Variants in ASAP1 observed in about 807,000 individuals in gnomAD.
ASAP1 encodes ArfGAP with SH3 domain, ankyrin repeat and PH domain 1.
ASAP1 carries 43 observed loss-of-function variants against 145.2 expected under a neutral mutation model. The ratio of observed to expected loss-of-function variants is 0.30; its 90% CI spans 0.23 to 0.38. The LOEUF is 0.38. Among genes scored for constraint, ASAP1 ranks in the 10% least tolerant of loss-of-function variants. The pLI is 1.00. For synonymous variants in ASAP1, 546 were observed against 515.5 expected (o/e 1.06, Z -0.80); for missense variants, 1,018 against 1,355.3 (o/e 0.75, Z 3.91).
intron 5 of ASAP1, among the ~76,000 whole-genome samples, chr8:130,200,676 A>G (rs1264251777): frequency 1.3e-5 from 2 of 152,182 alleles, no homozygotes; most frequent in African/African-American, 4.8e-5. Flanking sequence ...ATTACTGTTG[A>G]TTTTTATTTT....
At chr8:130,389,655 A>G (rs1186683629) in intron 2 of ASAP1, among the ~76,000 whole-genome samples, 1 of 151,760 alleles carries the variant, frequency 6.6e-6, no homozygotes, top group Admixed American at 6.6e-5. Context: ...AGCTGGAACA[A>G]CTCTACTCTC....
At chr8:130,334,256 T>TAAC (rs1824892539) in intron 3 of ASAP1, among the ~76,000 whole-genome samples, 1 of 152,114 alleles carries the variant, frequency 6.6e-6, no homozygotes, top group African/African-American at 2.4e-5. Flanking sequence ...GATTTTCAGG[T>TAAC]AACAACAACA....
At chr8:130,061,169 A>C (rs183537140) in intron 27 of ASAP1, 100 bp from the exon 28 acceptor site, 16 of 1,405,130 alleles carry the variant, frequency 1.1e-5, no homozygotes, top group Non-Finnish European at 1.5e-5. Context: ...GAACTGACCT[A>C]TAGTGAGCAC....
intron 27 of ASAP1, 85 bp downstream of exon 27, chr8:130,076,263 G>T: frequency 2.1e-6 from 2 of 939,992 alleles, no homozygotes; most frequent in South Asian, 1.6e-5. Flanking sequence ...ATGGATCAAT[G>T]AACAAGGGAG....
chr8:130,426,368 T>C (rs1374683663), intron 1 of ASAP1, among the ~76,000 whole-genome samples: 1 of 151,462 alleles, frequency 6.6e-6, no homozygotes, highest in African/African-American at 2.4e-5. Context: ...CAGTCTCAAG[T>C]AGTTCTTTAT....
intron 3 of ASAP1, among the ~76,000 whole-genome samples, chr8:130,305,445 C>G (rs189543563): frequency 1.3e-5 from 2 of 152,164 alleles, no homozygotes; most frequent in Non-Finnish European, 2.9e-5. Context: ...CTCACCACAA[C>G]CTCCGCCTCC....
chr8:130,261,124 GA>G (rs1468322577), intron 3 of ASAP1, among the ~76,000 whole-genome samples: 2 of 152,106 alleles, frequency 1.3e-5, no homozygotes, highest in Non-Finnish European at 2.9e-5. Context: ...GATGATTAAG[GA>G]ATCTGCTGGC....
intron 4 of ASAP1, among the ~76,000 whole-genome samples, chr8:130,225,525 C>CT (rs1404493327): frequency 1.3e-5 from 2 of 152,010 alleles, no homozygotes; most frequent in African/African-American, 4.8e-5. Flanking sequence ...GGAGTTCTAA[C>CT]TTTTTTTTCT....
chr8:130,375,857 C>A (rs1449359416), intron 2 of ASAP1, among the ~76,000 whole-genome samples: 4 of 152,212 alleles, frequency 2.6e-5, no homozygotes, highest in African/African-American at 7.2e-5. Flanking sequence ...TCTACATCAG[C>A]TGTCTACAGC....
chr8:130,256,749 A>ATATATATATATATATCCT (rs1819554548), intron 3 of ASAP1, among the ~76,000 whole-genome samples: 2 of 36,154 alleles, frequency 5.5e-5, no homozygotes, highest in African/African-American at 2.0e-4. Flanking sequence ...TTATATATAT[A>ATATATATATATATATCCT]TATATATATA....
chr8:130,063,415 C>A (rs1171912753), intron 27 of ASAP1, among the ~76,000 whole-genome samples: 1 of 152,198 alleles, frequency 6.6e-6, no homozygotes, highest in African/African-American at 2.4e-5. Flanking sequence ...CCCTGTTCCA[C>A]ATCCTCTCTC....
Position 130,213,892 on chromosome 8 carries a change from C to T in ASAP1, c.405+664G>A, listed in dbSNP as rs948513273. On this transcript the variant is annotated intron_variant, in intron 5 of 29. Transcript: ENST00000518721. Reference sequence around the variant, plus strand: ...GCAGCACAACATGGGGATGCCCACACACGACTGCCTGGCAAACAGTTTCCT... The same window carrying T: ...GCAGCACAACATGGGGATGCCCACATACGACTGCCTGGCAAACAGTTTCCT... Among the ~76,000 whole-genome samples the T allele has an allele frequency of 2.0e-5, 3 of 152,170 alleles. No individual in the cohort carries two copies. In the East Asian group the frequency reaches 5.8e-4, roughly 29 times the overall value.
At chr8:130,072,824 T>TGTGTGTGTGTGTGTGTGTGTGTGTGC in intron 27 of ASAP1, among the ~76,000 whole-genome samples, 4 of 32,308 alleles carry the variant, frequency 1.2e-4, no homozygotes, top group Admixed American at 3.6e-4. Context: ...TGTGTGTGTG[T>TGTGTGTGTGTGTGTGTGTGTGTGTGC]GCGCGCGGGG....
At chr8:130,131,919 G>A (rs1478359473) in intron 15 of ASAP1, among the ~76,000 whole-genome samples, 1 of 152,214 alleles carries the variant, frequency 6.6e-6, no homozygotes, top group Non-Finnish European at 1.5e-5. Flanking sequence ...AACTGGGACT[G>A]AATTACCTGT....
chr8:130,123,055 G>A (rs2097569103), intron 18 of ASAP1, among the ~76,000 whole-genome samples: 1 of 152,164 alleles, frequency 6.6e-6, no homozygotes, highest in African/African-American at 2.4e-5. Flanking sequence ...CCTTTTCAGT[G>A]TAATTTGTGC....
chr8:130,092,929 C>T (rs1044025356), intron 24 of ASAP1, among the ~76,000 whole-genome samples: 12 of 126,714 alleles, frequency 9.5e-5, no homozygotes, highest in African/African-American at 3.0e-4. Context: ...AACTGCCTGA[C>T]GCTTTTCTTA....
At chr8:130,080,884 C>T (rs1186197138) in intron 25 of ASAP1, among the ~76,000 whole-genome samples, 1 of 152,172 alleles carries the variant, frequency 6.6e-6, no homozygotes, top group Non-Finnish European at 1.5e-5. Flanking sequence ...CCACCTGCCT[C>T]GGCCTCCCAA....
intron 3 of ASAP1, among the ~76,000 whole-genome samples, chr8:130,281,593 T>C (rs1307291817): frequency 1.3e-5 from 2 of 152,192 alleles, no homozygotes; most frequent in Non-Finnish European, 2.9e-5. Context: ...AATAGTTTTT[T>C]TGGGGGGGTT....
chr8:130,409,761 A>G (rs114819157), intron 1 of ASAP1, among the ~76,000 whole-genome samples: 1,864 of 152,362 alleles, frequency 0.012, 30 homozygotes, highest in African/African-American at 0.043. Context: ...TCTCCAAAGA[A>G]GAGGTCACTG....
Sources: allele counts gnomAD v4.1 joint callset (sites outside exome capture counted in the v4.1 genomes callset), GRCh38; gene constraint gnomAD v4.1.1; transcripts MANE v1.5; gene names NCBI Gene and HGNC (gene_info 2026-07-23, HGNC 2026-07-21).